Variants in DCDC1 observed in about 807,000 individuals in gnomAD.
The protein encoded by DCDC1 is doublecortin domain containing 1.
A neutral mutation model predicts 178.3 loss-of-function variants in DCDC1; 200 were observed. That is an observed-to-expected ratio of 1.12 (90% confidence interval 1.00 to 1.26). The LOEUF is 1.26. DCDC1 is among the 50% of genes most tolerant of loss of function. The pLI is 0.00. For synonymous variants in DCDC1, 690 were observed against 604.8 expected (o/e 1.14, Z -2.07); for missense variants, 1,983 against 1,749.2 (o/e 1.13, Z -2.38).
At chr11:30,929,461 A>G (rs163880) in intron 22 of DCDC1, among the ~76,000 whole-genome samples, 3,307 of 152,186 alleles carry the variant, frequency 0.022, 128 homozygotes, top group African/African-American at 0.076. Context: ...CTCATTCTCA[A>G]AAGACTTTTA....
intron 21 of DCDC1, among the ~76,000 whole-genome samples, chr11:30,938,111 G>A (rs1245764265): frequency 6.6e-6 from 1 of 151,844 alleles, no homozygotes; most frequent in Non-Finnish European, 1.5e-5. Flanking sequence ...ACTTCCTCTT[G>A]TACTCTTCCT....
At chr11:31,290,544 T>C in intron 7 of DCDC1, 103 bp downstream of exon 7, 1 of 1,234,798 alleles carries the variant, frequency 8.1e-7, no homozygotes, top group Non-Finnish European at 1.1e-6. Flanking sequence ...TTGTTAATAT[T>C]TCTATTTGTT....
intron 20 of DCDC1, among the ~76,000 whole-genome samples, chr11:30,976,523 A>G (rs1313476370): frequency 6.6e-6 from 1 of 151,804 alleles, no homozygotes; most frequent in African/African-American, 2.4e-5. Context: ...GTGGGCAAAG[A>G]ATGTGAATAG....
intron 7 of DCDC1, among the ~76,000 whole-genome samples, chr11:31,276,167 T>C (rs1034451334): frequency 5.3e-5 from 8 of 152,214 alleles, no homozygotes; most frequent in African/African-American, 1.7e-4. Flanking sequence ...AAATACATTT[T>C]TTGGTCCCAT....
intron 3 of DCDC1, among the ~76,000 whole-genome samples, chr11:31,311,428 T>C (rs2137657034): frequency 6.6e-6 from 1 of 152,346 alleles, no homozygotes; most frequent in South Asian, 2.1e-4. Context: ...ATATATTGAT[T>C]GATTTTTAAA....
At chr11:31,317,468 G>A (rs1591745738) in intron 3 of DCDC1, among the ~76,000 whole-genome samples, 1 of 49,162 alleles carries the variant, frequency 2.0e-5, no homozygotes, top group Non-Finnish European at 3.4e-5. Flanking sequence ...GTCTGTTGTT[G>A]GTGTATAAGA....
intron 1 of DCDC1, among the ~76,000 whole-genome samples, chr11:31,354,704 G>C (rs924491452): frequency 6.6e-6 from 1 of 152,064 alleles, no homozygotes; most frequent in South Asian, 2.1e-4. Context: ...AGTAGGATAG[G>C]GAAAAATGAT....
chr11:31,061,538 T>C (rs890804227), intron 20 of DCDC1, among the ~76,000 whole-genome samples: 2 of 151,928 alleles, frequency 1.3e-5, no homozygotes, highest in African/African-American at 4.8e-5. Flanking sequence ...GGGAAGAATG[T>C]AGATAAATCC....
In DCDC1 at chr11:31,115,322, TA is replaced by T. The variant is rs1470140841; in HGVS notation, c.1486-4962del. ...AGTACTATTATCTAGCCTTTAATGC[TA>T]GAGGTCTGGTTAAGAACTAGCTGTG... On this transcript the variant is annotated intron_variant, in intron 11 of 38. Transcript: ENST00000684477. Among the ~76,000 whole-genome samples, 3 of 152,150 alleles carry T rather than the reference TA, an allele frequency of 2.0e-5. No individual in the cohort carries two copies. In the East Asian group the frequency reaches 5.8e-4, roughly 29 times the overall value.
intron 11 of DCDC1, among the ~76,000 whole-genome samples, chr11:31,126,055 A>G (rs1482507926): frequency 6.6e-6 from 1 of 152,194 alleles, no homozygotes; most frequent in Non-Finnish European, 1.5e-5. Flanking sequence ...CTTCAGAAAT[A>G]AGCAGTGAAC....
intron 20 of DCDC1, among the ~76,000 whole-genome samples, chr11:31,001,320 C>A (rs1200294240): frequency 6.6e-6 from 1 of 151,930 alleles, no homozygotes; most frequent in South Asian, 2.1e-4. Context: ...GCCATGAAAG[C>A]AAATGGTCAC....
chr11:31,044,968 GAC>G lies in DCDC1; in HGVS notation c.2591+19499_2591+19500del, dbSNP rs146370938. On this transcript the variant is annotated intron_variant, in intron 20 of 38. Coordinates refer to ENST00000684477, the MANE Select transcript of DCDC1 (RefSeq NM_001387274.1). ...ATAAACTAATTATTTGGGCTTTCAT[GAC>G]ACAGTGAGAGAGATGTTATTATACT... 9.0e-3 allele frequency among the ~76,000 whole-genome samples: 1,371 copies of G among 152,226 alleles called. 31 individuals carry two copies. Among genetic ancestry groups the G allele is most frequent in the African/African-American group, 0.031 (1,290 of 41,508 alleles).
At chr11:30,930,957 T>C (rs1443764379) in intron 22 of DCDC1, among the ~76,000 whole-genome samples, 1 of 152,154 alleles carries the variant, frequency 6.6e-6, no homozygotes, top group Non-Finnish European at 1.5e-5. Flanking sequence ...CCAATCTGAA[T>C]GTTACTCATT....
intron 2 of DCDC1, 136 bp from the exon 3 acceptor site, chr11:31,328,422 C>T: frequency 2.4e-6 from 2 of 825,582 alleles, no homozygotes; most frequent in Non-Finnish European, 3.4e-6. Flanking sequence ...ATGTGAAATT[C>T]CCTTAGTAAT....
intron 9 of DCDC1, among the ~76,000 whole-genome samples, chr11:31,201,013 T>C (rs938833353): frequency 6.6e-6 from 1 of 151,932 alleles, no homozygotes; most frequent in African/African-American, 2.4e-5. Context: ...ACTTATCCTC[T>C]CTTTGAGCAC....
rs1268779283 is a variant in DCDC1, at chr11:31,233,569, C to T, written c.1221+7881G>A. On this transcript the variant is annotated intron_variant, in intron 9 of 38. Transcript: ENST00000684477. ...GTAGAATTGTAGTCCCCAAAGATGC[C>T]ACACTATATAGTTCACTTATAAGGA... 5.9e-5 allele frequency among the ~76,000 whole-genome samples: 9 copies of T among 152,126 alleles called. No individual in the cohort carries two copies. The East Asian group carries it at 1.7e-3, about 29-fold the overall frequency.
chr11:30,958,931 G>A (rs1251706996), intron 20 of DCDC1, among the ~76,000 whole-genome samples: 2 of 152,032 alleles, frequency 1.3e-5, no homozygotes, highest in African/African-American at 4.8e-5. Context: ...ATTTGGTAGT[G>A]CTTCTATGCC....
At chr11:31,332,574 TTG>T (rs1280252862) in intron 2 of DCDC1, among the ~76,000 whole-genome samples, 1 of 152,226 alleles carries the variant, frequency 6.6e-6, no homozygotes, top group Non-Finnish European at 1.5e-5. Flanking sequence ...TTTTGGTACA[TTG>T]TGTCTTTGTT....
At chr11:31,213,360 T>C (rs1591430244) in intron 9 of DCDC1, among the ~76,000 whole-genome samples, 1 of 151,954 alleles carries the variant, frequency 6.6e-6, no homozygotes, top group African/African-American at 2.4e-5. Flanking sequence ...TGAGTCTATT[T>C]ATCAATTTGT....
Sources: allele counts gnomAD v4.1 joint callset (sites outside exome capture counted in the v4.1 genomes callset), GRCh38; gene constraint gnomAD v4.1.1; transcripts MANE v1.5; gene names NCBI Gene and HGNC (gene_info 2026-07-23, HGNC 2026-07-21).